Variants in GRID2 observed in about 807,000 individuals in gnomAD.
The protein encoded by GRID2 is glutamate ionotropic receptor delta type subunit 2.
GRID2 carries 33 observed loss-of-function variants against 114.8 expected under a neutral mutation model. The ratio of observed to expected loss-of-function variants is 0.29; its 90% CI spans 0.22 to 0.38. The LOEUF is 0.38. Among genes scored for constraint, GRID2 ranks in the 10% least tolerant of loss-of-function variants. The probability of loss-of-function intolerance (pLI) is 1.00; values close to 1 mark genes in which losing one functional copy is unlikely to be tolerated. For synonymous variants in GRID2, 505 were observed against 449.9 expected (o/e 1.12, Z -1.55); for missense variants, 1,184 against 1,257.7 (o/e 0.94, Z 0.89).
rs754954663 is a variant in GRID2 at position 92,590,176 on chromosome 4, G to A, written c.134G>A (p.Arg45His). ...ESAKKDDEVF[R>H]TAVGDLNQNE... is the part of the protein sequence containing the mutation. ...GCCAAAAAGGATGATGAGGTATTTC[G>A]CACTGCGGTTGGTGACCTTAACCAG... The change falls in exon 2 of 16, where the codon CGC (arginine) becomes CAC (histidine). Residue 45 changes from arginine (R) to histidine (H), a missense_variant. Arg to His is a conservative substitution (Grantham distance 29). This residue lies in a region of GRID2 where 455 missense variants were observed against 429.5 expected (regional missense o/e 1.06). Transcript: ENST00000282020. 52 of 1,611,358 alleles carry A rather than the reference G, an allele frequency of 3.2e-5. No individual in the cohort carries two copies. The East Asian group carries it at 1.1e-3, about 33-fold the overall frequency.
rs137906421 is a variant in GRID2 at position 93,558,327 on chromosome 4, G to A, written c.2193+42916G>A. On this transcript the variant is annotated intron_variant, in intron 13 of 15. Transcript: ENST00000282020. ...GTTTTTTGAAAAGATGAACAAAATA[G>A]ATAGACTACTAGCCAGACTAATAAA... Among the ~76,000 whole-genome samples, 1,059 of 151,958 alleles carry A rather than the reference G, an allele frequency of 7.0e-3. 9 individuals are homozygous for A. Among genetic ancestry groups the A allele is most frequent in the African/African-American group, 0.025 (1,020 of 41,494 alleles).
In GRID2 at chr4:93,574,291, AT is replaced by A. The variant is rs200937741; in HGVS notation, c.2194-51973del. Among the ~76,000 whole-genome samples the A allele has an allele frequency of 2.0e-5, 3 of 152,162 alleles. No homozygotes were observed. In the East Asian group the frequency reaches 5.8e-4, roughly 29 times the overall value. On this transcript the variant is annotated intron_variant, in intron 13 of 15. Coordinates refer to ENST00000282020, the MANE Select transcript of GRID2 (RefSeq NM_001510.4). ...CCAGAAAGCCTGTGTTAAATATGAA[AT>A]TTTTGCTTCCTTCATTATATGACTT...
intron 1 of GRID2, among the ~76,000 whole-genome samples, chr4:92,392,696 T>A (rs1021204379): frequency 6.6e-6 from 1 of 152,124 alleles, no homozygotes; most frequent in Non-Finnish European, 1.5e-5. Flanking sequence ...TAACACTGAC[T>A]CAAAATTACT....
intron 10 of GRID2, among the ~76,000 whole-genome samples, chr4:93,429,704 G>A (rs564812555): frequency 1.3e-5 from 2 of 152,140 alleles, no homozygotes; most frequent in African/African-American, 4.8e-5. Flanking sequence ...AGGAATAAGT[G>A]GACTAAATTA....
chr4:93,708,408 C>G (rs960609979), intron 14 of GRID2, among the ~76,000 whole-genome samples: 2 of 151,948 alleles, frequency 1.3e-5, no homozygotes, highest in Non-Finnish European at 2.9e-5. Context: ...ACCCCTTTAT[C>G]ATTGTATAAT....
chr4:93,270,978 A>AT (rs1052459330), intron 8 of GRID2, among the ~76,000 whole-genome samples: 33 of 152,152 alleles, frequency 2.2e-4, no homozygotes, highest in African/African-American at 7.2e-4. Flanking sequence ...GTAGTGACTG[A>AT]TTTTTTCATA....
chr4:93,422,587 A>T (rs2149367879), intron 9 of GRID2, among the ~76,000 whole-genome samples, 184 bp from the exon 10 acceptor site: 1 of 152,328 alleles, frequency 6.6e-6, no homozygotes, highest in Non-Finnish European at 1.5e-5. Context: ...GATGATAAGA[A>T]ATTGAATGAT....
intron 2 of GRID2, among the ~76,000 whole-genome samples, chr4:92,652,977 C>T (rs1489105907): frequency 2.5e-5 from 3 of 120,914 alleles, no homozygotes; most frequent in Admixed American, 8.8e-5. Context: ...TTTATAAATA[C>T]ATATAAATAT....
intron 1 of GRID2, among the ~76,000 whole-genome samples, chr4:92,313,960 A>G (rs374894980): frequency 2.0e-5 from 3 of 152,262 alleles, no homozygotes; most frequent in African/African-American, 4.8e-5. Flanking sequence ...ATTGGTATAT[A>G]TATGTAATTT....
intron 2 of GRID2, among the ~76,000 whole-genome samples, chr4:92,936,077 G>C (rs943051634): frequency 2.1e-5 from 3 of 145,620 alleles, no homozygotes; most frequent in Non-Finnish European, 4.6e-5. Flanking sequence ...CTGTCTACTT[G>C]AAGAAAATGT....
intron 2 of GRID2, among the ~76,000 whole-genome samples, chr4:92,827,351 ACT>A (rs1578249950): frequency 6.6e-6 from 1 of 151,522 alleles, no homozygotes; most frequent in Admixed American, 6.6e-5. Flanking sequence ...ATAAACAAAA[ACT>A]CTTTGGAAAA....
intron 11 of GRID2, among the ~76,000 whole-genome samples, chr4:93,478,323 T>A (rs1725514403): frequency 6.6e-6 from 1 of 152,074 alleles, no homozygotes; most frequent in East Asian, 1.9e-4. Context: ...TTTTAATTTT[T>A]AATTTAGCAT....
At chr4:93,521,710 G>A (rs546554215) in intron 13 of GRID2, among the ~76,000 whole-genome samples, 4 of 151,746 alleles carry the variant, frequency 2.6e-5, no homozygotes, top group Non-Finnish European at 5.9e-5. Flanking sequence ...ACCAGGTACT[G>A]GAAAAAAAAT....
chr4:92,861,042 ATCCT>A (rs1478875655), intron 2 of GRID2, among the ~76,000 whole-genome samples: 7 of 152,096 alleles, frequency 4.6e-5, no homozygotes, highest in Admixed American at 1.3e-4. Context: ...AAGTAAATCA[ATCCT>A]TCCTTACTTA....
At chr4:93,594,569 T>C (rs950826247) in intron 13 of GRID2, among the ~76,000 whole-genome samples, 1 of 152,206 alleles carries the variant, frequency 6.6e-6, no homozygotes, top group African/African-American at 2.4e-5. Context: ...CCTTGAGCTG[T>C]GGTGGGCTCC....
Position 92,727,518 on chromosome 4 carries a change from G to A in GRID2, c.244+137232G>A, listed in dbSNP as rs75734606. On this transcript the variant is annotated intron_variant, in intron 2 of 15. Coordinates refer to ENST00000282020, the MANE Select transcript of GRID2 (RefSeq NM_001510.4). Reference sequence around the variant, plus strand: ...ATCCCAGTTTGCTGATATCCTTTGGGTTGGTTATCCTCTAGTAAGTATGTG... The same window carrying A: ...ATCCCAGTTTGCTGATATCCTTTGGATTGGTTATCCTCTAGTAAGTATGTG... Among the ~76,000 whole-genome samples the A allele has an allele frequency of 7.1e-3, 1,086 of 152,032 alleles. 16 individuals carry two copies. The highest frequency in any genetic ancestry group is 0.025 in the African/African-American group (1,028 of 41,520).
At chr4:93,485,292 AT>A (rs923124541) in intron 11 of GRID2, among the ~76,000 whole-genome samples, 1 of 151,472 alleles carries the variant, frequency 6.6e-6, no homozygotes, top group Non-Finnish European at 1.5e-5. Context: ...TTTATTGATG[AT>A]TTTTTGTTAG....
At chr4:92,314,696 G>GGT (rs1725876982) in intron 1 of GRID2, among the ~76,000 whole-genome samples, 2 of 152,022 alleles carry the variant, frequency 1.3e-5, no homozygotes, top group African/African-American at 4.8e-5. Context: ...ATGTGTGTAA[G>GGT]GTATATATGA....
chr4:93,749,475 T>C (rs557859896), intron 14 of GRID2, among the ~76,000 whole-genome samples: 1 of 152,276 alleles, frequency 6.6e-6, no homozygotes, highest in African/African-American at 2.4e-5. Context: ...CTGCCACTCA[T>C]TGCCCCTTTT....
Sources: gnomAD v4.1 joint callset for allele counts (sites outside exome capture counted in the v4.1 genomes callset) on GRCh38, gnomAD v4.1.1 for gene constraint, gnomAD v4.1.1 regional missense constraint, MANE v1.5 for transcripts, NCBI Gene and HGNC (gene_info 2026-07-23, HGNC 2026-07-21) for gene names.